The following TRAPPC12 variants were observed in gnomAD, a reference collection of about 807,000 sequenced individuals.
The protein encoded by TRAPPC12 is TPR repeat protein 15.
A neutral mutation model predicts 69.2 loss-of-function variants in TRAPPC12; 61 were observed. That is an observed-to-expected ratio of 0.88 (90% CI 0.72 to 1.09). The LOEUF (loss-of-function observed/expected upper bound fraction) is 1.09. Among genes scored for constraint, TRAPPC12 ranks in the 50% least tolerant of loss-of-function variants. TRAPPC12 has a pLI of 0.00. For synonymous variants in TRAPPC12, 469 were observed against 438.9 expected (o/e 1.07, Z -0.86); for missense variants, 1,101 against 1,016.4 (o/e 1.08, Z -1.13).
At chr2:3,389,757 G>C in intron 2 of TRAPPC12, 1 of 470,696 alleles carries the variant, frequency 2.1e-6, no homozygotes. Flanking sequence ...CAAGAAGAAC[G>C]AGATTATGCC....
rs995368419 is a variant in TRAPPC12, at chr2:3,421,982, A to G, written c.1266A>G (p.Thr422=). The change falls in exon 4 of 12, where the codon ACA becomes ACG. Residue 422 remains threonine (T), a synonymous_variant. Transcript: ENST00000324266. ...GCGGGCTGCTCACCAGCCACACGAC[A>G]GATTCACTGCAGGTGAGAACACCTT... ...GKSGLLTSHT[T]DSLQLWFVRL... 1 of 1,612,814 alleles carries G rather than the reference A, an allele frequency of 6.2e-7. No homozygotes were observed. The highest frequency in any genetic ancestry group is 1.3e-5 in the African/African-American group (1 of 75,054).
At chr2:3,430,012 CAT>C (rs966642423) in intron 5 of TRAPPC12, among the ~76,000 whole-genome samples, 15 of 152,198 alleles carry the variant, frequency 9.9e-5, no homozygotes, top group African/African-American at 3.6e-4. Context: ...ATATTTGCTT[CAT>C]ACACACACAT....
At chr2:3,445,820 C>G (rs1664478759) in intron 6 of TRAPPC12, among the ~76,000 whole-genome samples, 1 of 152,234 alleles carries the variant, frequency 6.6e-6, no homozygotes. Context: ...ATTTCTGCTC[C>G]AAGAAAGGAC....
At chr2:3,382,992 G>T (rs922858289) in intron 1 of TRAPPC12, among the ~76,000 whole-genome samples, 1 of 152,044 alleles carries the variant, frequency 6.6e-6, no homozygotes, top group African/African-American at 2.4e-5. Context: ...GAATTGTTCT[G>T]GGAAAAATCA....
intron 5 of TRAPPC12, among the ~76,000 whole-genome samples, chr2:3,425,515 C>G (rs1663051552): frequency 6.6e-6 from 1 of 152,176 alleles, no homozygotes; most frequent in Non-Finnish European, 1.5e-5. Flanking sequence ...TCCTTGCTGC[C>G]TGGGTTGTCC....
In TRAPPC12 at chr2:3,457,686, C is replaced by T. The variant is rs1665236394; in HGVS notation, c.1596C>T (p.Gly532=). Residue 532 remains glycine (G), a synonymous_variant, in exon 7 of 12, where the codon GGC becomes GGT. Transcript: ENST00000324266. ...DGGMSSVTQE[G]RQASIRLWRS... is the part of the protein sequence containing the mutation. The stretch of plus-strand genomic sequence containing the variant: ...GCATGAGCAGCGTGACTCAGGAGGG[C>T]AGACAAGGTGGGTCGGCCGGACTTT... The T allele has an allele frequency of 6.2e-7, 1 of 1,610,822 alleles. No individual in the cohort carries two copies. The highest frequency in any genetic ancestry group is 2.2e-5 in the East Asian group (1 of 44,868).
chr2:3,464,992 T>C (rs759150823), intron 8 of TRAPPC12, among the ~76,000 whole-genome samples: 11 of 152,242 alleles, frequency 7.2e-5, no homozygotes, highest in Non-Finnish European at 1.5e-4. Context: ...CGCTCCTACA[T>C]GTTCCCCCGT....
At chr2:3,453,211 GC>G (rs1373957172) in intron 6 of TRAPPC12, among the ~76,000 whole-genome samples, 1 of 152,058 alleles carries the variant, frequency 6.6e-6, no homozygotes, top group African/African-American at 2.4e-5. Context: ...ACCATCCTGC[GC>G]CCCCATCTGT....
At chr2:3,434,287 A>C (rs537257634) in intron 5 of TRAPPC12, among the ~76,000 whole-genome samples, 1 of 152,294 alleles carries the variant, frequency 6.6e-6, no homozygotes, top group African/African-American at 2.4e-5. Flanking sequence ...GAGCTCACAG[A>C]TGGTTTCTCC....
intron 2 of TRAPPC12, among the ~76,000 whole-genome samples, chr2:3,393,937 A>G (rs1481567857): frequency 6.6e-6 from 1 of 152,256 alleles, no homozygotes; most frequent in Non-Finnish European, 1.5e-5. Flanking sequence ...CTGTAAAATG[A>G]AAGGTTTTGG....
At chr2:3,443,510 A>G (rs1235800805) in intron 5 of TRAPPC12, among the ~76,000 whole-genome samples, 1 of 152,152 alleles carries the variant, frequency 6.6e-6, no homozygotes, top group Non-Finnish European at 1.5e-5. Context: ...TCATTTTGGG[A>G]TCATTTCTAA....
rs188472173 is a variant in TRAPPC12 at position 3,445,984 on chromosome 2, C to T, written c.1530+2093C>T. ...GACTCTTGAGGGGGCTTCCAAGCAA[C>T]AGCAGTTGACAGCTAAGCATCGTAG... On this transcript the variant is annotated intron_variant, in intron 6 of 11. Coordinates refer to ENST00000324266, the MANE Select transcript of TRAPPC12 (RefSeq NM_016030.6). 5.1e-3 allele frequency among the ~76,000 whole-genome samples: 782 copies of T among 152,336 alleles called. 4 individuals carry two copies. The highest frequency in any genetic ancestry group is 8.2e-3 in the Non-Finnish European group (561 of 68,032).
At chr2:3,476,456 A>G (rs1277088347) in intron 9 of TRAPPC12, among the ~76,000 whole-genome samples, 1 of 152,170 alleles carries the variant, frequency 6.6e-6, no homozygotes, top group Admixed American at 6.5e-5. Context: ...GTGGCTGGAG[A>G]GGAATCCTGA....
intron 7 of TRAPPC12, 41 bp from the exon 8 acceptor site, chr2:3,460,222 C>T (rs778703105): frequency 5.7e-6 from 5 of 872,320 alleles, no homozygotes; most frequent in South Asian, 1.3e-5. Flanking sequence ...GAAAGAGCCT[C>T]GAATTTATTT....
Position 3,465,610 on chromosome 2 carries a change from CCGTGGAGG to C in TRAPPC12, c.1695_1702del (p.Glu566SerfsTer32). 1 of 1,613,612 alleles carries C rather than the reference CCGTGGAGG, an allele frequency of 6.2e-7. No homozygotes were observed. Among genetic ancestry groups the C allele is most frequent in the Non-Finnish European group, 8.5e-7 (1 of 1,179,522 alleles). Reference sequence around the variant, plus strand: ...TTCTTCCCACAGGATTATGTGCTGGCCGTGGAGGCGTATCATTCGGTTATCAAGTATTA... The same window carrying C: ...TTCTTCCCACAGGATTATGTGCTGGCCGTATCATTCGGTTATCAAGTATTA... On this transcript the variant is annotated frameshift_variant, in exon 9 of 12. Transcript: ENST00000324266. LOFTEE classifies it high-confidence loss of function.
rs1434715171 is a variant in TRAPPC12 at position 3,387,632 on chromosome 2, C to T, written c.9C>T (p.Asp3=). The change falls in exon 2 of 12, where the codon GAC becomes GAT. Residue 3 remains aspartate (D), a synonymous_variant. Coordinates refer to ENST00000324266, the MANE Select transcript of TRAPPC12 (RefSeq NM_016030.6). The part of the protein sequence containing the change: ME[D]AGGGEETPAP... ...TCTTTGCTTTCAGGGTCATGGAGGA[C>T]GCTGGCGGCGGCGAGGAGACCCCGG... 12 of 1,541,012 alleles carry T rather than the reference C, an allele frequency of 7.8e-6. No individual in the cohort carries two copies. The highest frequency in any genetic ancestry group is 2.5e-5 in the East Asian group (1 of 40,566).
chr2:3,444,997 C>T (rs1664433898), intron 6 of TRAPPC12, among the ~76,000 whole-genome samples: 1 of 152,176 alleles, frequency 6.6e-6, no homozygotes, highest in Non-Finnish European at 1.5e-5. Context: ...TTACAGAAAT[C>T]GGAAGCACAT....
At chr2:3,477,613 C>A in intron 9 of TRAPPC12, 82 bp from the exon 10 acceptor site, 1 of 716,406 alleles carries the variant, frequency 1.4e-6, no homozygotes, top group Non-Finnish European at 2.2e-6. Context: ...CATATTCTAA[C>A]ATGATATTAG....
At chr2:3,473,632 C>G (rs917712659) in intron 9 of TRAPPC12, among the ~76,000 whole-genome samples, 6 of 152,120 alleles carry the variant, frequency 3.9e-5, no homozygotes, top group Non-Finnish European at 7.4e-5. Context: ...AATGCACCAC[C>G]ATGCCCAGCT....
Sources: allele counts gnomAD v4.1 joint callset (sites outside exome capture counted in the v4.1 genomes callset), GRCh38; gene constraint gnomAD v4.1.1; transcripts MANE v1.5; gene names NCBI Gene and HGNC (gene_info 2026-07-23, HGNC 2026-07-21).